KLRD1: variants seen among roughly 807,000 people sequenced by gnomAD.
The protein encoded by KLRD1 is natural killer cells antigen CD94.
In KLRD1, 21 loss-of-function variants were observed where a neutral mutation model predicts 22.6. The observed-to-expected ratio is 0.93, with a 90% CI of 0.66 to 1.34. The LOEUF is 1.34. Ranked by LOEUF, KLRD1 falls within the 40% of genes most tolerant of loss-of-function variation. KLRD1 has a pLI of 0.00. For missense variants in KLRD1, 183 were observed against 208.6 expected, an observed-to-expected ratio of 0.88 and a Z score of 0.76; for synonymous variants, 59 against 71.1, an observed-to-expected ratio of 0.83 and a Z score of 0.85.
At chr12:10,313,641 A>T (rs1354548879) in intron 5 of KLRD1, 128 bp downstream of exon 5, 2 of 488,150 alleles carry the variant, frequency 4.1e-6, no homozygotes, top group African/African-American at 2.0e-5. Flanking sequence ...ATACAGTAAA[A>T]GGAAAAAGTA....
chr12:10,262,992 C>T lies in KLRD1; in HGVS notation c.-101+36759C>T, dbSNP rs1255220257. The stretch of plus-strand genomic sequence containing the variant: ...ACCCAGGCAGTCAGGAAAAAACAAC[C>T]TATGCTATTTTTGCAGCAAACACCT... On this transcript the variant is annotated intron_variant, in intron 1 of 5. Coordinates refer to the KLRD1 transcript ENST00000544747. Among the ~76,000 whole-genome samples, 3 of 152,002 alleles carry T rather than the reference C, an allele frequency of 2.0e-5. No individual in the cohort carries two copies. In the East Asian group the frequency reaches 5.8e-4, roughly 29 times the overall value.
chr12:10,261,554 G>A (rs1024438993), intron 1 of KLRD1, among the ~76,000 whole-genome samples: 2 of 152,000 alleles, frequency 1.3e-5, no homozygotes, highest in Admixed American at 6.6e-5. Flanking sequence ...ATACATGCAG[G>A]GTAGAAAAAC....
chr12:10,266,023 A>G (rs1170914659), intron 1 of KLRD1, among the ~76,000 whole-genome samples: 2 of 152,302 alleles, frequency 1.3e-5, no homozygotes, highest in South Asian at 2.1e-4. Context: ...TGCTGTGTAT[A>G]TATATTTTTT....
intron 1 of KLRD1, among the ~76,000 whole-genome samples, chr12:10,274,092 G>T (rs1949571873): frequency 6.9e-6 from 1 of 145,278 alleles, no homozygotes; most frequent in Admixed American, 7.2e-5. Flanking sequence ...AGACCAGCCT[G>T]ACCAATGTGG....
At chr12:10,250,119 A>G (rs949161175) in intron 1 of KLRD1, among the ~76,000 whole-genome samples, 4 of 151,472 alleles carry the variant, frequency 2.6e-5, no homozygotes, top group Non-Finnish European at 5.9e-5. Flanking sequence ...TAGGCTGTCA[A>G]CCTAGAAGGA....
At chr12:10,274,329 C>T (rs1341285281) in intron 1 of KLRD1, among the ~76,000 whole-genome samples, 3 of 151,982 alleles carry the variant, frequency 2.0e-5, no homozygotes, top group African/African-American at 7.3e-5. Flanking sequence ...AAAATTACAT[C>T]TAGTAGATAA....
intron 1 of KLRD1, among the ~76,000 whole-genome samples, chr12:10,275,974 T>G (rs1002561389): frequency 1.3e-5 from 2 of 152,204 alleles, no homozygotes; most frequent in Non-Finnish European, 2.9e-5. Flanking sequence ...TTTTCTTGCT[T>G]CTTATGCACA....
At chr12:10,287,151 C>T (rs1327880890) in intron 1 of KLRD1, among the ~76,000 whole-genome samples, 1 of 146,322 alleles carries the variant, frequency 6.8e-6, no homozygotes, top group Non-Finnish European at 1.5e-5. Flanking sequence ...AAAAACAAAA[C>T]CCTCTTTTTT....
chr12:10,268,386 T>C (rs1949519146), intron 1 of KLRD1, among the ~76,000 whole-genome samples: 1 of 152,168 alleles, frequency 6.6e-6, no homozygotes, highest in Admixed American at 6.5e-5. Context: ...TATAAAGTGT[T>C]TGAAAGTAAT....
chr12:10,250,531 C>T (rs540684379), intron 1 of KLRD1, among the ~76,000 whole-genome samples: 10 of 151,816 alleles, frequency 6.6e-5, no homozygotes, highest in Non-Finnish European at 1.0e-4. Flanking sequence ...ATCTCCCGCT[C>T]ACTGCAACCT....
chr12:10,242,290 A>T (rs1362747278), intron 1 of KLRD1, among the ~76,000 whole-genome samples: 3 of 151,992 alleles, frequency 2.0e-5, no homozygotes, highest in African/African-American at 4.8e-5. Context: ...TACATTTATA[A>T]TTTTTCTTTT....
At position 10,324,816 on chromosome 12, in the gene KLRD1, G is replaced by GTATATATA. The variant is rs1397212198; in HGVS notation, c.*10024_*10025insATATATAT. 174 of 16,616 alleles carry GTATATATA rather than the reference G, an allele frequency of 0.01. 1 individual carries two copies. Among genetic ancestry groups the GTATATATA allele is most frequent in the African/African-American group, 0.014 (167 of 11,962 alleles). 1.0% of individuals were successfully genotyped at this position (16,616 alleles called of 1,614,324 possible). On this transcript the variant is annotated 3_prime_UTR_variant, in exon 6 of 6. Transcript: ENST00000336164. Reference sequence around the variant, plus strand: ...TAAGTATATATGTATATGTGTGTGTGTGTATATATATATATATATATATAT... The same window carrying GTATATATA: ...TAAGTATATATGTATATGTGTGTGTGTATATATATGTATATATATATATATATATATAT...
intron 1 of KLRD1, among the ~76,000 whole-genome samples, chr12:10,291,714 T>G (rs1438489282): frequency 1.3e-5 from 2 of 151,970 alleles, no homozygotes; most frequent in Non-Finnish European, 2.9e-5. Context: ...CATGGTGGTT[T>G]GCTACACCTA....
intron 1 of KLRD1, among the ~76,000 whole-genome samples, chr12:10,292,439 A>G (rs1222079051): frequency 6.6e-6 from 1 of 152,232 alleles, no homozygotes; most frequent in African/African-American, 2.4e-5. Flanking sequence ...CCGAATGGAT[A>G]TTGTGTTAGC....
chr12:10,326,458 A>T lies in KLRD1; in HGVS notation c.*11665A>T, dbSNP rs894197523. 2.6e-5 allele frequency: 4 copies of T among 152,378 alleles called. No homozygotes were observed. In the East Asian group the frequency reaches 7.7e-4, roughly 29 times the overall value. 9.4% of individuals were successfully genotyped at this position (152,378 alleles called of 1,614,324 possible). ...TATACATTTTAGGGAGACATGAGAC[A>T]TCAATCAACATATGTAAAATGAACA... On this transcript the variant is annotated 3_prime_UTR_variant, in exon 6 of 6. Coordinates refer to ENST00000336164, the MANE Select transcript of KLRD1 (RefSeq NM_002262.5).
intron 1 of KLRD1, among the ~76,000 whole-genome samples, chr12:10,290,401 G>A (rs190932265): frequency 6.6e-6 from 1 of 152,278 alleles, no homozygotes; most frequent in African/African-American, 2.4e-5. Context: ...AATGATGTTA[G>A]GATCTTTAAC....
chr12:10,311,662 T>C, intron 4 of KLRD1, 47 bp downstream of exon 4: 1 of 1,577,664 alleles, frequency 6.3e-7, no homozygotes, highest in Non-Finnish European at 8.7e-7. Flanking sequence ...TCTAGAAAAA[T>C]ATACTATCTA....
chr12:10,303,072 A>T (rs1949880949), upstream of KLRD1, among the ~76,000 whole-genome samples: 1 of 152,238 alleles, frequency 6.6e-6, no homozygotes, highest in African/African-American at 2.4e-5. Context: ...GTAATGATCA[A>T]GTCAGCTTGG....
At chr12:10,306,050 C>T (rs1306163485), upstream of KLRD1, among the ~76,000 whole-genome samples, 2 of 151,624 alleles carry the variant, frequency 1.3e-5, no homozygotes, top group African/African-American at 2.4e-5. Context: ...GAGCCTGTAG[C>T]CCCAGCTACT....
Sources: allele counts gnomAD v4.1 joint callset (sites outside exome capture counted in the v4.1 genomes callset), GRCh38; gene constraint gnomAD v4.1.1; transcripts MANE v1.5; gene names NCBI Gene and HGNC (gene_info 2026-07-23, HGNC 2026-07-21).